The following MAP3K13 variants were observed in gnomAD, a reference collection of about 807,000 sequenced individuals.
The protein encoded by MAP3K13 is mitogen-activated protein kinase kinase kinase 13, also known as leucine zipper-bearing kinase.
MAP3K13 carries 52 observed loss-of-function variants against 104.0 expected under a neutral mutation model. That is an observed-to-expected ratio of 0.50 (90% confidence interval 0.40 to 0.63). The LOEUF is 0.63. Among genes scored for constraint, MAP3K13 ranks in the 20% least tolerant of loss-of-function variants. The probability of loss-of-function intolerance (pLI) is 0.00; values close to 1 mark genes in which losing one functional copy is unlikely to be tolerated. For synonymous variants in MAP3K13, 394 were observed against 442.2 expected, an observed-to-expected ratio of 0.89 and a Z score of 1.37; for missense variants, 914 against 1,218.5, an observed-to-expected ratio of 0.75 and a Z score of 3.72.
chr3:185,348,381 A>T (rs1434245661), intron 2 of MAP3K13, among the ~76,000 whole-genome samples: 1 of 152,190 alleles, frequency 6.6e-6, no homozygotes, highest in Non-Finnish European at 1.5e-5. Context: ...TTCCATTTTG[A>T]ATGATATTCA....
chr3:185,479,551 C>T (rs1577631374), intron 12 of MAP3K13, among the ~76,000 whole-genome samples: 2 of 152,128 alleles, frequency 1.3e-5, no homozygotes, highest in Admixed American at 6.5e-5. Flanking sequence ...ATGTACATAA[C>T]GTGATTAGAC....
rs374013581 is a variant in MAP3K13, at chr3:185,451,798, C to T, written c.1278+403C>T. Reference sequence around the variant, plus strand: ...AGGAGAATCACTTGAACCCGGGAAGCGGAGGTAGTGTTCAGCCGAGATCAT... The same window carrying T: ...AGGAGAATCACTTGAACCCGGGAAGTGGAGGTAGTGTTCAGCCGAGATCAT... On this transcript the variant is annotated intron_variant, in intron 7 of 13. Transcript: ENST00000265026. 2.0e-4 allele frequency among the ~76,000 whole-genome samples: 29 copies of T among 147,494 alleles called. No individual in the cohort carries two copies. The South Asian group carries it at 6.0e-3, about 31-fold the overall frequency.
chr3:185,310,733 G>GA (rs1258390132), intron 2 of MAP3K13, among the ~76,000 whole-genome samples: 1 of 152,024 alleles, frequency 6.6e-6, no homozygotes, highest in African/African-American at 2.4e-5. Flanking sequence ...TATGGAAAGG[G>GA]AAAAAAAGAT....
intron 11 of MAP3K13, among the ~76,000 whole-genome samples, chr3:185,476,222 A>G (rs1718116594): frequency 6.6e-6 from 1 of 151,998 alleles, no homozygotes; most frequent in African/African-American, 2.4e-5. Context: ...CACCTTGTAC[A>G]TTTGGCTTCA....
intron 1 of MAP3K13, among the ~76,000 whole-genome samples, chr3:185,393,164 G>A (rs1311254537): frequency 7.5e-6 from 1 of 133,080 alleles, no homozygotes; most frequent in East Asian, 2.2e-4. Context: ...TATTCAGAAT[G>A]TTAAAGGATG....
chr3:185,467,112 A>C (rs1489755777), intron 10 of MAP3K13, 149 bp downstream of exon 10: 1 of 801,172 alleles, frequency 1.2e-6, no homozygotes, highest in Non-Finnish European at 1.9e-6. Flanking sequence ...CAGAGTAAGA[A>C]GGTGAGGGAG....
At chr3:185,340,398 A>G (rs1442406746) in intron 2 of MAP3K13, among the ~76,000 whole-genome samples, 2 of 152,138 alleles carry the variant, frequency 1.3e-5, no homozygotes, top group Non-Finnish European at 2.9e-5. Flanking sequence ...GTTGCATTTG[A>G]CTAGAGTGAA....
At chr3:185,291,512 G>C in intron 2 of MAP3K13, 1 of 1,084,792 alleles carries the variant, frequency 9.2e-7, no homozygotes, top group Non-Finnish European at 1.3e-6. Context: ...ATGGTATCTA[G>C]TAATCTGATT....
chr3:185,337,915 T>C lies in MAP3K13; in HGVS notation c.-86+52272T>C, dbSNP rs1026087739. Among the ~76,000 whole-genome samples the C allele has an allele frequency of 3.4e-4, 51 of 151,926 alleles. 1 individual carries two copies. The highest frequency in any genetic ancestry group is 1.5e-4 in the Non-Finnish European group (10 of 67,996). On this transcript the variant is annotated intron_variant, in intron 2 of 14. Coordinates refer to the MAP3K13 transcript ENST00000424227. ...CTAAAATAACTAGGTTAACACAAAC[T>C]AGGAAACAAGCTCATCAAGGAAAGA...
At chr3:185,441,362 C>T (rs1372171707) in intron 3 of MAP3K13, among the ~76,000 whole-genome samples, 1 of 152,056 alleles carries the variant, frequency 6.6e-6, no homozygotes. Flanking sequence ...GTGAAGTTAA[C>T]GAACATTTGC....
chr3:185,384,866 T>C (rs527366889), intron 1 of MAP3K13, among the ~76,000 whole-genome samples: 2 of 152,344 alleles, frequency 1.3e-5, no homozygotes, highest in African/African-American at 4.8e-5. Flanking sequence ...GGATGAATAG[T>C]TTGTACATAT....
intron 1 of MAP3K13, among the ~76,000 whole-genome samples, chr3:185,395,353 A>ATTTTTTTTTT (rs1560083058): frequency 5.4e-4 from 10 of 18,486 alleles, no homozygotes; most frequent in Admixed American, 6.8e-4. Context: ...ATTCAATATT[A>ATTTTTTTTTT]TTTCTTTTTT....
intron 2 of MAP3K13, among the ~76,000 whole-genome samples, chr3:185,343,691 T>C (rs1256464831): frequency 6.6e-6 from 1 of 152,200 alleles, no homozygotes; most frequent in Non-Finnish European, 1.5e-5. Flanking sequence ...GACCTTGTGA[T>C]CTGCCCGCCT....
chr3:185,348,777 C>G (rs1409567062), intron 2 of MAP3K13, among the ~76,000 whole-genome samples: 2 of 152,006 alleles, frequency 1.3e-5, no homozygotes, highest in Non-Finnish European at 2.9e-5. Context: ...ATTAGCTGGG[C>G]GTGGTGGCGG....
intron 7 of MAP3K13, among the ~76,000 whole-genome samples, chr3:185,454,919 AGATATATATAT>A (rs1560117878): frequency 1.6e-5 from 1 of 61,862 alleles, no homozygotes; most frequent in Non-Finnish European, 3.2e-5. Flanking sequence ...TATATATATG[AGATATATATAT>A]GATATATATA....
chr3:185,419,020 C>CT lies in MAP3K13; in HGVS notation c.-85-9463dup, dbSNP rs1209080029. ...TTATTTTCATTTTGAATTTATAATT[C>CT]TTTTTTTTTTTTTTGAGACAGAGTC... On this transcript the variant is annotated intron_variant, in intron 1 of 13. Transcript: ENST00000265026. Among the ~76,000 whole-genome samples the CT allele has an allele frequency of 7.2e-3, 1,032 of 143,420 alleles. 4 individuals are homozygous for CT. The highest frequency in any genetic ancestry group is 0.019 in the African/African-American group (757 of 39,388). 94.1% of individuals were successfully genotyped at this position (143,420 alleles called of 152,430 possible). A position where few individuals can be genotyped will look rare whatever the true frequency, so the allele number is the denominator to read the frequency against.
intron 2 of MAP3K13, among the ~76,000 whole-genome samples, chr3:185,316,183 A>T (rs1244116017): frequency 6.6e-6 from 1 of 151,940 alleles, no homozygotes; most frequent in African/African-American, 2.4e-5. Context: ...TTGAAATTCC[A>T]CTCCCCACCT....
intron 1 of MAP3K13, among the ~76,000 whole-genome samples, chr3:185,387,833 G>A (rs1247625847): frequency 2.0e-5 from 3 of 151,990 alleles, no homozygotes; most frequent in Non-Finnish European, 2.9e-5. Context: ...GCAAAAGAAG[G>A]AAATAAACAG....
chr3:185,290,465 T>G (rs1004581568), intron 2 of MAP3K13, among the ~76,000 whole-genome samples: 1 of 152,216 alleles, frequency 6.6e-6, no homozygotes, highest in South Asian at 2.1e-4. Flanking sequence ...GTCACTGTGC[T>G]TTCTAATCAT....
Sources: allele counts gnomAD v4.1 joint callset (sites outside exome capture counted in the v4.1 genomes callset), GRCh38; gene constraint gnomAD v4.1.1; transcripts MANE v1.5; gene names NCBI Gene and HGNC (gene_info 2026-07-23, HGNC 2026-07-21).